Variants in TBC1D4 observed in about 807,000 individuals in gnomAD.
The protein encoded by TBC1D4 is TBC1 domain family member 4, also known as TBC (Tre-2, BUB2, CDC16) domain-containing protein.
TBC1D4 carries 121 observed loss-of-function variants against 142.5 expected under a neutral mutation model. That is an observed-to-expected ratio of 0.85 (90% CI 0.73 to 0.99). TBC1D4 has a LOEUF of 0.99. Ranked by LOEUF, TBC1D4 falls within the 50% of genes least tolerant of loss-of-function variation. TBC1D4 has a pLI of 0.00. For synonymous variants in TBC1D4, 630 were observed against 628.2 expected, an observed-to-expected ratio of 1.00 and a Z score of -0.04; for missense variants, 1,475 against 1,606.6, an observed-to-expected ratio of 0.92 and a Z score of 1.40.
chr13:75,365,162 T>C lies in TBC1D4; in HGVS notation c.499-2555A>G, dbSNP rs117676137. On this transcript the variant is annotated intron_variant, in intron 1 of 20. Coordinates refer to ENST00000377636, the MANE Select transcript of TBC1D4 (RefSeq NM_014832.5). Reference sequence around the variant, plus strand: ...ATTTATATAAGCAAAGTTTATCATCTTGAATTCTAAACTGAGTACATAATT... The same window carrying C: ...ATTTATATAAGCAAAGTTTATCATCCTGAATTCTAAACTGAGTACATAATT... Among the ~76,000 whole-genome samples, 582 of 152,336 alleles carry C rather than the reference T, an allele frequency of 3.8e-3. 1 individual carries two copies. The highest frequency in any genetic ancestry group is 0.02 in the Middle Eastern group (6 of 294).
intron 1 of TBC1D4, among the ~76,000 whole-genome samples, chr13:75,410,189 C>T (rs2138393869): frequency 6.6e-6 from 1 of 152,244 alleles, no homozygotes; most frequent in Admixed American, 6.5e-5. Flanking sequence ...TTGATATATT[C>T]ACATCACGTC....
At chr13:75,469,801 A>C (rs1028540069) in intron 1 of TBC1D4, among the ~76,000 whole-genome samples, 7 of 152,312 alleles carry the variant, frequency 4.6e-5, no homozygotes, top group Admixed American at 4.6e-4. Flanking sequence ...AGAGTTTCGG[A>C]GGCAGAATCA....
intron 1 of TBC1D4, among the ~76,000 whole-genome samples, chr13:75,372,891 TAG>T (rs1172218574): frequency 6.6e-6 from 1 of 152,204 alleles, no homozygotes; most frequent in African/African-American, 2.4e-5. Flanking sequence ...TTTAATTTGC[TAG>T]AGAGTTTAAA....
chr13:75,300,552 C>T (rs188444944), intron 16 of TBC1D4, among the ~76,000 whole-genome samples: 136 of 151,990 alleles, frequency 8.9e-4, no homozygotes, highest in Admixed American at 4.5e-3. Context: ...TTCTGCAGAG[C>T]CAGTAAGAGG....
At position 75,356,781 on chromosome 13, in the gene TBC1D4, T is replaced by C. The variant is rs73533720; in HGVS notation, c.1171-530A>G. Among the ~76,000 whole-genome samples the C allele has an allele frequency of 2.9e-3, 448 of 152,310 alleles. 2 individuals carry two copies. The highest frequency in any genetic ancestry group is 1.0e-2 in the African/African-American group (415 of 41,570). The stretch of plus-strand genomic sequence containing the variant: ...AAAGACTGATATGTTATAGAAATTA[T>C]TGCAGGTGCCAATTATCCACAGTGA... On this transcript the variant is annotated intron_variant, in intron 3 of 20. Transcript: ENST00000377636.
At chr13:75,335,386 G>A (rs1880111247) in intron 8 of TBC1D4, among the ~76,000 whole-genome samples, 1 of 152,220 alleles carries the variant, frequency 6.6e-6, no homozygotes. Flanking sequence ...AGAGGAAAAT[G>A]AAGTTGAAGG....
intron 5 of TBC1D4, 41 bp from the exon 6 acceptor site, chr13:75,341,628 C>T: frequency 6.7e-7 from 1 of 1,497,354 alleles, no homozygotes; most frequent in Non-Finnish European, 9.3e-7. Flanking sequence ...CAGAGTCTAG[C>T]AGCAGAGATC....
chr13:75,363,126 A>G (rs893428435), intron 1 of TBC1D4, among the ~76,000 whole-genome samples: 2 of 152,198 alleles, frequency 1.3e-5, no homozygotes, highest in Non-Finnish European at 2.9e-5. Context: ...CAGCAAGGAC[A>G]TGGGAGCAAC....
intron 1 of TBC1D4, among the ~76,000 whole-genome samples, chr13:75,479,875 A>G (rs922751442): frequency 4.6e-5 from 7 of 152,204 alleles, no homozygotes; most frequent in African/African-American, 1.7e-4. Context: ...CATAAACATA[A>G]CTTCACATTA....
chr13:75,470,976 C>T (rs1888374935), intron 1 of TBC1D4, among the ~76,000 whole-genome samples: 1 of 147,482 alleles, frequency 6.8e-6, no homozygotes, highest in Non-Finnish European at 1.5e-5. Flanking sequence ...ACAAAGTGAG[C>T]CCCTGTATCA....
rs113696687 is a variant in TBC1D4 at position 75,339,278 on chromosome 13, G to C, written c.1611+1847C>G. 9.8e-3 allele frequency among the ~76,000 whole-genome samples: 1,459 copies of C among 148,742 alleles called. 19 individuals are homozygous for C. The highest frequency in any genetic ancestry group is 0.034 in the African/African-American group (1,378 of 40,942). ...TTCTATTAAAACATTCTCCCAACTGGAGAATATGACTTAGTCCTAACCCCC... is the reference window on the plus strand; with the variant it reads ...TTCTATTAAAACATTCTCCCAACTGCAGAATATGACTTAGTCCTAACCCCC... On this transcript the variant is annotated intron_variant, in intron 7 of 20. Coordinates refer to ENST00000377636, the MANE Select transcript of TBC1D4 (RefSeq NM_014832.5).
At chr13:75,382,099 TGGCGATTA>T (rs1883888752) in intron 1 of TBC1D4, among the ~76,000 whole-genome samples, 1 of 151,872 alleles carries the variant, frequency 6.6e-6, no homozygotes, top group African/African-American at 2.4e-5. Context: ...TCTTTCCACT[TGGCGATTA>T]GCTCTTTGTT....
At position 75,413,679 on chromosome 13, in the gene TBC1D4, A is replaced by G. The variant is rs545227925; in HGVS notation, c.499-51072T>C. Reference sequence around the variant, plus strand: ...CAAAGAGGCCAGACTGTTAGTCTTAAAAGGATAGAGTTCTTTCTGTCACTA... The same window carrying G: ...CAAAGAGGCCAGACTGTTAGTCTTAGAAGGATAGAGTTCTTTCTGTCACTA... On this transcript the variant is annotated intron_variant, in intron 1 of 20. Coordinates refer to ENST00000377636, the MANE Select transcript of TBC1D4 (RefSeq NM_014832.5). 4.6e-5 allele frequency among the ~76,000 whole-genome samples: 7 copies of G among 152,308 alleles called. No homozygotes were observed. In the South Asian group the frequency reaches 6.2e-4, roughly 14 times the overall value.
rs75639630 is a variant in TBC1D4 at position 75,366,944 on chromosome 13, G to A, written c.499-4337C>T. ...ATCAGGAAGCCAGCTGGAAACTGGA[G>A]GTGGTCACGAAGAGCAATGATTTTG... is the stretch of plus-strand genomic sequence containing the variant. On this transcript the variant is annotated intron_variant, in intron 1 of 20. Transcript: ENST00000377636. 165 of 985,388 alleles carry A rather than the reference G, an allele frequency of 1.7e-4. 1 individual carries two copies. The East Asian group carries it at 0.017, about 102-fold the overall frequency. 61.0% of individuals were successfully genotyped at this position (985,388 alleles called of 1,614,324 possible).
At chr13:75,458,793 G>A (rs1887843374) in intron 1 of TBC1D4, among the ~76,000 whole-genome samples, 1 of 152,004 alleles carries the variant, frequency 6.6e-6, no homozygotes, top group African/African-American at 2.4e-5. Context: ...CTAGACATAG[G>A]AGTTAGCTAA....
intron 1 of TBC1D4, among the ~76,000 whole-genome samples, chr13:75,391,195 T>TAC (rs111629817): frequency 0.59 from 83,521 of 141,656 alleles, 24,571 homozygotes; most frequent in South Asian, 0.72. Context: ...CCCATCAGTT[T>TAC]ACACACACAC....
At position 75,324,385 on chromosome 13, in the gene TBC1D4, G is replaced by A. The variant is rs61736969; in HGVS notation, c.2050C>T (p.Arg684Ter). ...GAATTACTCTCCTTGTACATGCGTC[G>A]AACTGACGAAAGATTGCTGAGTACA... ...SEQCSNLSSV[R>*]RMYKESNSSS... Residue 684 changes from arginine (R) to a stop codon, truncating the protein, a stop_gained, in exon 11 of 21, where the codon CGA becomes TGA. Transcript: ENST00000377636. LOFTEE classifies it high-confidence loss of function. The A allele has an allele frequency of 4.5e-5, 72 of 1,613,844 alleles. 1 individual carries two copies. The East Asian group carries it at 6.2e-4, about 14-fold the overall frequency.
In TBC1D4 at chr13:75,359,780, A is replaced by G; in HGVS notation, c.1159T>C (p.Ser387Pro). The G allele has an allele frequency of 6.2e-7, 1 of 1,611,352 alleles. No homozygotes were observed. The change falls in exon 3 of 21, where the codon TCT becomes CCT. Residue 387 changes from serine to proline, a missense_variant. Ser to Pro is a moderately conservative substitution (Grantham distance 74). Coordinates refer to ENST00000377636, the MANE Select transcript of TBC1D4 (RefSeq NM_014832.5). ...ACTTTGATACATACCTGAGAACAAG[A>G]GGAGATATCTTTAAAATTCTTTTCT... Reference protein sequence around the residue: ...VLEKNFKDISSCSQGIKHVDH... With the variant: ...VLEKNFKDISPCSQGIKHVDH...
Position 75,481,795 on chromosome 13 carries a change from A to G in TBC1D4, c.-28T>C. ...CTCTCGCCTCACCAGGGCACCGCGG[A>G]GGCCGGCCGGGCGCACCGCGCCCCC... On this transcript the variant is annotated 5_prime_UTR_variant, in exon 1 of 21. Transcript: ENST00000377636. The G allele has an allele frequency of 6.7e-7, 1 of 1,482,580 alleles. No homozygotes were observed. The allele number at this position is 1,482,580 out of a possible 1,614,324, so 91.8% of individuals were successfully genotyped here. A position where few individuals can be genotyped will look rare whatever the true frequency, so the allele number is the denominator to read the frequency against.
Sources: allele counts gnomAD v4.1 joint callset (sites outside exome capture counted in the v4.1 genomes callset), GRCh38; gene constraint gnomAD v4.1.1; transcripts MANE v1.5; gene names NCBI Gene and HGNC (gene_info 2026-07-23, HGNC 2026-07-21).